The following NELL1 variants were observed in gnomAD, a reference collection of about 807,000 sequenced individuals.
The protein encoded by NELL1 is neural EGFL like 1.
A neutral mutation model predicts 107.4 loss-of-function variants in NELL1; 76 were observed. That is an observed-to-expected ratio of 0.71 (90% CI 0.59 to 0.86). NELL1 has a LOEUF of 0.86. NELL1 is among the 40% of genes least tolerant of loss of function. The pLI, the probability that NELL1 is intolerant of heterozygous loss-of-function variation, is 0.00. For synonymous variants in NELL1, 353 were observed against 341.2 expected, an observed-to-expected ratio of 1.03 and a Z score of -0.38; for missense variants, 1,024 against 1,005.5, an observed-to-expected ratio of 1.02 and a Z score of -0.25.
intron 14 of NELL1, among the ~76,000 whole-genome samples, chr11:21,336,297 A>G (rs1012823562): frequency 6.6e-6 from 1 of 152,032 alleles, no homozygotes; most frequent in Non-Finnish European, 1.5e-5. Context: ...GCCTTTTTAT[A>G]TACAGTATCT....
intron 14 of NELL1, among the ~76,000 whole-genome samples, chr11:21,293,346 G>A (rs1362840216): frequency 6.6e-6 from 1 of 152,110 alleles, no homozygotes; most frequent in African/African-American, 2.4e-5. Flanking sequence ...ATCATCACTG[G>A]TCATTAGAGA....
chr11:20,729,696 C>T (rs1855586446), intron 2 of NELL1, among the ~76,000 whole-genome samples: 1 of 152,136 alleles, frequency 6.6e-6, no homozygotes, highest in African/African-American at 2.4e-5. Flanking sequence ...ATCCACTCAC[C>T]TATCTCCATG....
intron 5 of NELL1, among the ~76,000 whole-genome samples, chr11:20,906,196 T>C (rs1849993849): frequency 6.6e-6 from 1 of 152,090 alleles, no homozygotes; most frequent in African/African-American, 2.4e-5. Flanking sequence ...TAGAAGACTA[T>C]GAATAATTAT....
chr11:21,561,104 G>A (rs924136513), intron 17 of NELL1, among the ~76,000 whole-genome samples: 4 of 152,010 alleles, frequency 2.6e-5, no homozygotes, highest in African/African-American at 9.7e-5. Flanking sequence ...TTGCTCTACT[G>A]TAGCTCTTGC....
intron 14 of NELL1, among the ~76,000 whole-genome samples, chr11:21,311,975 G>A (rs536686618): frequency 3.3e-4 from 50 of 152,232 alleles, no homozygotes; most frequent in Non-Finnish European, 7.1e-4. Context: ...CTTCATAAAA[G>A]AGAACTAGTT....
intron 3 of NELL1, among the ~76,000 whole-genome samples, chr11:20,800,177 ATG>A: frequency 6.6e-6 from 1 of 152,176 alleles, no homozygotes; most frequent in African/African-American, 2.4e-5. Context: ...ATACTAGTGT[ATG>A]TGTCCTTTCG....
At chr11:20,748,299 T>C (rs1288804077) in intron 2 of NELL1, among the ~76,000 whole-genome samples, 2 of 152,170 alleles carry the variant, frequency 1.3e-5, no homozygotes, top group Non-Finnish European at 2.9e-5. Flanking sequence ...ATTGAGGTCC[T>C]TTTGATTCCT....
chr11:21,428,980 A>G (rs1187604793), intron 15 of NELL1, among the ~76,000 whole-genome samples: 2 of 152,162 alleles, frequency 1.3e-5, no homozygotes, highest in African/African-American at 2.4e-5. Flanking sequence ...ATGGCCTGAT[A>G]GCCACTTTCC....
intron 14 of NELL1, among the ~76,000 whole-genome samples, chr11:21,358,424 G>A (rs1850989048): frequency 6.6e-6 from 1 of 151,822 alleles, no homozygotes; most frequent in Admixed American, 6.6e-5. Context: ...TTTTGAGGCA[G>A]AGTCTTGCAC....
intron 13 of NELL1, among the ~76,000 whole-genome samples, chr11:21,140,747 A>G (rs1855847958): frequency 6.6e-6 from 1 of 152,158 alleles, no homozygotes; most frequent in Non-Finnish European, 1.5e-5. Flanking sequence ...TTTATAGAAA[A>G]CCTTTCTTCA....
At position 21,286,662 on chromosome 11, in the gene NELL1, T is replaced by C. The variant is rs1849125114; in HGVS notation, c.1549+57208T>C. 3.9e-5 allele frequency among the ~76,000 whole-genome samples: 6 copies of C among 152,224 alleles called. No homozygotes were observed. In the South Asian group the frequency reaches 1.2e-3, roughly 32 times the overall value. Reference sequence around the variant, plus strand: ...ACACTTCAGTTAAAATTTCTCTATCTGTTAAAGATGGTCATTTTCAGAATC... The same window carrying C: ...ACACTTCAGTTAAAATTTCTCTATCCGTTAAAGATGGTCATTTTCAGAATC... On this transcript the variant is annotated intron_variant, in intron 14 of 19. Coordinates refer to ENST00000357134, the MANE Select transcript of NELL1 (RefSeq NM_006157.5).
intron 13 of NELL1, among the ~76,000 whole-genome samples, chr11:21,186,472 T>G (rs1309181826): frequency 6.6e-6 from 1 of 151,874 alleles, no homozygotes; most frequent in Non-Finnish European, 1.5e-5. Flanking sequence ...AGGTCTTGAC[T>G]GATTTTAGTT....
At chr11:20,954,116 G>A (rs926811197) in intron 11 of NELL1, among the ~76,000 whole-genome samples, 1 of 152,102 alleles carries the variant, frequency 6.6e-6, no homozygotes, top group African/African-American at 2.4e-5. Flanking sequence ...TCTGTAAAAT[G>A]GGGATAATAA....
chr11:21,305,417 A>G (rs1417836654), intron 14 of NELL1, among the ~76,000 whole-genome samples: 1 of 152,018 alleles, frequency 6.6e-6, no homozygotes, highest in Non-Finnish European at 1.5e-5. Context: ...GGGTACTTAG[A>G]GTATCGTTTG....
At chr11:20,732,054 G>A (rs1855658216) in intron 2 of NELL1, among the ~76,000 whole-genome samples, 1 of 152,044 alleles carries the variant, frequency 6.6e-6, no homozygotes, top group African/African-American at 2.4e-5. Context: ...TCCTTTCTAG[G>A]ACTTGCCTAG....
At position 21,326,323 on chromosome 11, in the gene NELL1, G is replaced by A. The variant is rs189329118; in HGVS notation, c.1550-44530G>A. Among the ~76,000 whole-genome samples the A allele has an allele frequency of 1.7e-3, 257 of 151,196 alleles. 1 individual carries two copies. The highest frequency in any genetic ancestry group is 5.8e-3 in the African/African-American group (240 of 41,298). Reference sequence around the variant, plus strand: ...TTTGTTTTTCCAATGGTTGCTCAACGATTTGCGGTATTTCACTTAAACTCA... The same window carrying A: ...TTTGTTTTTCCAATGGTTGCTCAACAATTTGCGGTATTTCACTTAAACTCA... On this transcript the variant is annotated intron_variant, in intron 14 of 19. Transcript: ENST00000357134.
chr11:21,241,752 T>A (rs1858365742), intron 14 of NELL1, among the ~76,000 whole-genome samples: 1 of 152,032 alleles, frequency 6.6e-6, no homozygotes, highest in African/African-American at 2.4e-5. Context: ...AACAGAATTA[T>A]GTGTTTGTTT....
chr11:21,467,690 A>AT (rs1471759358), intron 15 of NELL1, among the ~76,000 whole-genome samples: 1 of 152,030 alleles, frequency 6.6e-6, no homozygotes, highest in Non-Finnish European at 1.5e-5. Flanking sequence ...TTTCAAGATT[A>AT]TGTATATAGG....
At chr11:21,333,032 C>A (rs1850306856) in intron 14 of NELL1, among the ~76,000 whole-genome samples, 1 of 151,952 alleles carries the variant, frequency 6.6e-6, no homozygotes, top group South Asian at 2.1e-4. Context: ...GGTTGAATGT[C>A]ATTTTTCATT....
Sources: gnomAD v4.1 joint callset for allele counts (sites outside exome capture counted in the v4.1 genomes callset) on GRCh38, gnomAD v4.1.1 for gene constraint, MANE v1.5 for transcripts, NCBI Gene and HGNC (gene_info 2026-07-23, HGNC 2026-07-21) for gene names.